ELAVL2: variants seen among roughly 807,000 people sequenced by gnomAD.
The protein encoded by ELAVL2 is ELAV-like protein 2.
Under a neutral mutation model 34.6 loss-of-function variants are expected in ELAVL2, and 4 were observed. The observed-to-expected ratio is 0.12, with a 90% confidence interval of 0.06 to 0.26. ELAVL2 has a LOEUF of 0.26. Ranked by LOEUF, ELAVL2 falls within the 10% of genes least tolerant of loss-of-function variation. The pLI is 1.00. For missense variants in ELAVL2, 432 were observed against 442.8 expected (o/e 0.98, Z 0.22); for synonymous variants, 193 against 154.8 (o/e 1.25, Z -1.83).
intron 1 of ELAVL2, among the ~76,000 whole-genome samples, chr9:23,786,097 G>A (rs1293940828): frequency 6.6e-6 from 1 of 152,144 alleles, no homozygotes; most frequent in Non-Finnish European, 1.5e-5. Flanking sequence ...AAACATTTGT[G>A]ATAAATGCAG....
chr9:23,693,421 A>G (rs755650566), intron 6 of ELAVL2, 27 bp downstream of exon 6: 5 of 1,613,788 alleles, frequency 3.1e-6, no homozygotes, highest in Non-Finnish European at 4.2e-6. Context: ...GAAAGGGATT[A>G]TGAGTATCAT....
chr9:23,747,545 T>G (rs2050802563), intron 2 of ELAVL2, among the ~76,000 whole-genome samples: 1 of 152,154 alleles, frequency 6.6e-6, no homozygotes, highest in South Asian at 2.1e-4. Flanking sequence ...AACAACTGGT[T>G]AAGCTTGAGT....
intron 4 of ELAVL2, among the ~76,000 whole-genome samples, chr9:23,704,338 C>T (rs2038576335): frequency 6.6e-6 from 1 of 152,078 alleles, no homozygotes; most frequent in African/African-American, 2.4e-5. Flanking sequence ...CAGAACAACT[C>T]CCTTACATTC....
chr9:23,763,261 C>T (rs985312408), intron 1 of ELAVL2, among the ~76,000 whole-genome samples: 2 of 152,110 alleles, frequency 1.3e-5, no homozygotes, highest in African/African-American at 2.4e-5. Context: ...GTTCAGGCTA[C>T]TCTACAAATC....
chr9:23,718,717 G>A (rs1273383454), intron 3 of ELAVL2, among the ~76,000 whole-genome samples: 2 of 152,162 alleles, frequency 1.3e-5, no homozygotes, highest in African/African-American at 4.8e-5. Flanking sequence ...AATACATAAG[G>A]GGATAACCCC....
At chr9:23,781,318 G>A (rs953091465) in intron 1 of ELAVL2, among the ~76,000 whole-genome samples, 5 of 152,124 alleles carry the variant, frequency 3.3e-5, no homozygotes, top group Admixed American at 6.5e-5. Flanking sequence ...ACTGCAACCT[G>A]AGAAATTCAA....
At chr9:23,696,171 T>C (rs1489011363) in intron 5 of ELAVL2, among the ~76,000 whole-genome samples, 2 of 151,956 alleles carry the variant, frequency 1.3e-5, no homozygotes, top group Non-Finnish European at 1.5e-5. Flanking sequence ...GGGAGAAGCA[T>C]GGAACCTAGA....
chr9:23,757,432 T>C (rs2053838035), intron 2 of ELAVL2, among the ~76,000 whole-genome samples: 1 of 152,010 alleles, frequency 6.6e-6, no homozygotes, highest in South Asian at 2.1e-4. Context: ...CTTGAACTAG[T>C]CATTTCACAA....
intron 2 of ELAVL2, among the ~76,000 whole-genome samples, chr9:23,760,239 T>C (rs1490556427): frequency 1.3e-5 from 2 of 152,026 alleles, no homozygotes; most frequent in Admixed American, 1.3e-4. Context: ...ATATGAAAGA[T>C]GTATGATTTG....
chr9:23,836,086 G>A, the ELAVL2 span, among the ~76,000 whole-genome samples: 2 of 152,126 alleles, frequency 1.3e-5, no homozygotes, highest in Non-Finnish European at 2.9e-5. Flanking sequence ...TCTTCATGTT[G>A]ATGTGATTAA....
At chr9:23,760,292 G>T (rs182656932) in intron 2 of ELAVL2, among the ~76,000 whole-genome samples, 1 of 151,840 alleles carries the variant, frequency 6.6e-6, no homozygotes, top group Non-Finnish European at 1.5e-5. Context: ...GTATCATTTC[G>T]TAACAGTTTC....
At chr9:23,715,768 A>G (rs539040255) in intron 3 of ELAVL2, among the ~76,000 whole-genome samples, 1 of 152,050 alleles carries the variant, frequency 6.6e-6, no homozygotes, top group African/African-American at 2.4e-5. Flanking sequence ...AGACACTGTC[A>G]ACAGATTAAA....
At chr9:23,772,214 T>C (rs1354615693) in intron 1 of ELAVL2, among the ~76,000 whole-genome samples, 3 of 152,188 alleles carry the variant, frequency 2.0e-5, no homozygotes, top group Admixed American at 6.5e-5. Flanking sequence ...GAAAGGCTGA[T>C]TGGAAATCCT....
chr9:23,731,351 C>A (rs117445641), intron 2 of ELAVL2, among the ~76,000 whole-genome samples: 34 of 146,490 alleles, frequency 2.3e-4, no homozygotes, highest in African/African-American at 8.4e-4. Flanking sequence ...AAAAAAAAAA[C>A]ACACATCCCC....
At chr9:23,835,540 A>G in the ELAVL2 span, among the ~76,000 whole-genome samples, 1 of 152,164 alleles carries the variant, frequency 6.6e-6, no homozygotes, top group Non-Finnish European at 1.5e-5. Flanking sequence ...CAAAATAAAT[A>G]TCTAAAGGAA....
intron 1 of ELAVL2, among the ~76,000 whole-genome samples, chr9:23,788,055 G>A (rs1014174083): frequency 6.6e-6 from 1 of 152,260 alleles, no homozygotes; most frequent in East Asian, 1.9e-4. Flanking sequence ...TGAACTACAG[G>A]TTAGAAAATT....
intron 1 of ELAVL2, among the ~76,000 whole-genome samples, chr9:23,820,174 A>AAAACAATATTTC (rs1321673941): frequency 3.9e-5 from 6 of 152,218 alleles, no homozygotes; most frequent in Non-Finnish European, 7.3e-5. Context: ...CAAGGGCAAC[A>AAAACAATATTTC]AAACAATATT....
intron 4 of ELAVL2, 36 bp downstream of exon 4, chr9:23,704,882 A>G (rs367997379): frequency 5.6e-6 from 9 of 1,608,440 alleles, no homozygotes; most frequent in Non-Finnish European, 6.8e-6. Flanking sequence ...CTAGTCAGAG[A>G]CAGGGAAAGA....
chr9:23,813,378 CACAT>C lies in ELAVL2; in HGVS notation c.-16+12424_-16+12427del, dbSNP rs1026277264. ...GGGAAAGGGAGAGAAATAACACACA[CACAT>C]AAACCACACACCTGGAAGTCTCATA... On this transcript the variant is annotated intron_variant, in intron 1 of 6. Transcript: ENST00000397312. Among the ~76,000 whole-genome samples, 67 of 148,974 alleles carry C rather than the reference CACAT, an allele frequency of 4.5e-4. 1 individual carries two copies. The highest frequency in any genetic ancestry group is 1.6e-3 in the African/African-American group (67 of 40,736).
Sources: gnomAD v4.1 joint callset for allele counts (sites outside exome capture counted in the v4.1 genomes callset) on GRCh38, gnomAD v4.1.1 for gene constraint, MANE v1.5 for transcripts, NCBI Gene and HGNC (gene_info 2026-07-23, HGNC 2026-07-21) for gene names.